The following TWSG1 variants were observed in gnomAD, a reference collection of about 807,000 sequenced individuals.
TWSG1 encodes the protein twisted gastrulation protein homolog 1.
In TWSG1, 15 loss-of-function variants were observed where a neutral mutation model predicts 23.0. The ratio of observed to expected loss-of-function variants is 0.65; its 90% CI spans 0.44 to 1.00. TWSG1 has a LOEUF of 1.00. TWSG1 is among the 50% of genes least tolerant of loss of function. The probability of loss-of-function intolerance (pLI) is 0.00; values close to 1 mark genes in which losing one functional copy is unlikely to be tolerated. For synonymous variants in TWSG1, 86 were observed against 92.8 expected (o/e 0.93, Z 0.42); for missense variants, 242 against 278.7 (o/e 0.87, Z 0.94).
At position 9,399,519 on chromosome 18, in the gene TWSG1, A is replaced by T; in HGVS notation, c.664A>T (p.Met222Leu). ...TAAAACTGTCAAATGTATGAACTGC[A>T]TGTTTTAAAGAAGACAAATGCAAAC... ...GSKTVKCMNC[M>L]F The change falls in exon 5 of 5, where the codon ATG becomes TTG. Residue 222 changes from methionine (M) to leucine (L), a missense_variant. Physicochemically the swap from Met to Leu is conservative, Grantham distance 15. Transcript: ENST00000262120. 1 of 1,602,302 alleles carries T rather than the reference A, an allele frequency of 6.2e-7. No individual in the cohort carries two copies. The highest frequency in any genetic ancestry group is 8.5e-7 in the Non-Finnish European group (1 of 1,176,572).
chr18:9,358,321 A>G (rs183449541), intron 2 of TWSG1, among the ~76,000 whole-genome samples: 35 of 152,312 alleles, frequency 2.3e-4, no homozygotes, highest in Admixed American at 8.5e-4. Flanking sequence ...CCCTAGTTCA[A>G]ATTCCTAACA....
chr18:9,341,601 G>GT (rs1307660334), intron 2 of TWSG1, among the ~76,000 whole-genome samples: 1 of 151,982 alleles, frequency 6.6e-6, no homozygotes, highest in Non-Finnish European at 1.5e-5. Flanking sequence ...AACAGATAAG[G>GT]TCATAGCTCA....
rs150722246 is a variant in TWSG1, at chr18:9,350,981, T to C, written c.124-8991T>C. ...TCATTTGACCTAAGTAAAAGTAGTG[T>C]CAGCATAGGTATAATATAATGCTTC... On this transcript the variant is annotated intron_variant, in intron 2 of 4. Coordinates refer to ENST00000262120, the MANE Select transcript of TWSG1 (RefSeq NM_020648.6). 3.3e-5 allele frequency among the ~76,000 whole-genome samples: 5 copies of C among 152,268 alleles called. No homozygotes were observed. In the East Asian group the frequency reaches 9.6e-4, roughly 29 times the overall value.
intron 3 of TWSG1, among the ~76,000 whole-genome samples, chr18:9,382,119 A>T (rs1005421103): frequency 6.6e-5 from 10 of 150,742 alleles, no homozygotes; most frequent in Non-Finnish European, 1.2e-4. Context: ...AAGCACTTAC[A>T]TGAACCATAC....
chr18:9,359,926 A>G (rs1369574842), intron 2 of TWSG1, 46 bp from the exon 3 acceptor site: 2 of 1,509,362 alleles, frequency 1.3e-6, no homozygotes, highest in African/African-American at 1.4e-5. Flanking sequence ...GCAGTTTTAT[A>G]TATGATTATT....
chr18:9,344,975 T>A (rs2040470223), intron 2 of TWSG1, among the ~76,000 whole-genome samples: 1 of 152,156 alleles, frequency 6.6e-6, no homozygotes, highest in South Asian at 2.1e-4. Flanking sequence ...CCCAGGCTGG[T>A]CTTGAACTCC....
At position 9,342,375 on chromosome 18, in the gene TWSG1, C is replaced by T. The variant is rs1050067926; in HGVS notation, c.123+5023C>T. Among the ~76,000 whole-genome samples the T allele has an allele frequency of 4.6e-5, 7 of 152,280 alleles. 1 individual carries two copies. Among genetic ancestry groups the T allele is most frequent in the African/African-American group, 1.7e-4 (7 of 41,556 alleles). On this transcript the variant is annotated intron_variant, in intron 2 of 4. Coordinates refer to ENST00000262120, the MANE Select transcript of TWSG1 (RefSeq NM_020648.6). ...CTATAGGTAATTACTAACCTTATTT[C>T]TCTGTTTTGTAACTCTATTTGAATC...
intron 3 of TWSG1, among the ~76,000 whole-genome samples, chr18:9,386,175 A>G (rs930529409): frequency 1.1e-4 from 16 of 145,970 alleles, no homozygotes; most frequent in African/African-American, 3.8e-4. Context: ...AAAAAAAAAA[A>G]GAAGCCGAGT....
At chr18:9,358,773 G>A (rs892021782) in intron 2 of TWSG1, among the ~76,000 whole-genome samples, 6 of 152,316 alleles carry the variant, frequency 3.9e-5, no homozygotes, top group African/African-American at 1.4e-4. Flanking sequence ...TACATGGAAG[G>A]ATGGTTTTGT....
At chr18:9,377,275 G>A (rs1488077664) in intron 3 of TWSG1, among the ~76,000 whole-genome samples, 1 of 151,718 alleles carries the variant, frequency 6.6e-6, no homozygotes, top group Non-Finnish European at 1.5e-5. Flanking sequence ...CTGGCGTGCA[G>A]TGGTGCGACC....
intron 3 of TWSG1, among the ~76,000 whole-genome samples, chr18:9,364,584 A>G (rs2040568696): frequency 6.6e-6 from 1 of 152,044 alleles, no homozygotes; most frequent in South Asian, 2.1e-4. Context: ...ACCTTAAGTC[A>G]GGAATTCAAG....
chr18:9,352,445 A>G (rs745942893), intron 2 of TWSG1, among the ~76,000 whole-genome samples: 60 of 152,194 alleles, frequency 3.9e-4, no homozygotes, highest in Admixed American at 1.2e-3. Context: ...GTAAATACCT[A>G]GGAATGGGAT....
At chr18:9,382,814 A>AAAAAAAAC (rs372801301) in intron 3 of TWSG1, among the ~76,000 whole-genome samples, 64 of 137,064 alleles carry the variant, frequency 4.7e-4, no homozygotes, top group South Asian at 3.5e-3. Context: ...CTCAAAAAAA[A>AAAAAAAAC]AAAAACAAAA....
intron 3 of TWSG1, among the ~76,000 whole-genome samples, chr18:9,388,588 C>T (rs9944562): frequency 0.47 from 72,206 of 152,050 alleles, 18,142 homozygotes; most frequent in East Asian, 0.71. Context: ...TCAGGGACAT[C>T]AGGTTTACTA....
chr18:9,350,694 A>T (rs2040498415), intron 2 of TWSG1, among the ~76,000 whole-genome samples: 1 of 152,244 alleles, frequency 6.6e-6, no homozygotes, highest in African/African-American at 2.4e-5. Context: ...AAAAATAAGT[A>T]CTCTTTTCAA....
At chr18:9,396,599 A>G (rs2298550) in intron 4 of TWSG1, 53 bp downstream of exon 4, 432,085 of 1,576,710 alleles carry the variant, frequency 0.27, 59,913 homozygotes, top group East Asian at 0.31. Context: ...TGGTCTGTCC[A>G]TGTAATCTAT....
chr18:9,390,247 G>A (rs34413792), intron 3 of TWSG1, among the ~76,000 whole-genome samples: 11,449 of 151,576 alleles, frequency 0.076, 533 homozygotes, highest in Admixed American at 0.097. Context: ...TGCAACCTCC[G>A]CCCCTCCAGG....
intron 3 of TWSG1, among the ~76,000 whole-genome samples, chr18:9,381,026 A>T (rs999126982): frequency 1.3e-5 from 2 of 152,204 alleles, no homozygotes; most frequent in South Asian, 4.1e-4. Context: ...TTTCAGAAAA[A>T]GACAATTATA....
intron 2 of TWSG1, among the ~76,000 whole-genome samples, chr18:9,344,722 C>A (rs57524426): frequency 0.67 from 100,372 of 150,618 alleles, 33,847 homozygotes; most frequent in Middle Eastern, 0.75. Flanking sequence ...GGGGAAATAC[C>A]TATTGAAAAC....
Sources: allele counts gnomAD v4.1 joint callset (sites outside exome capture counted in the v4.1 genomes callset), GRCh38; gene constraint gnomAD v4.1.1; transcripts MANE v1.5; gene names NCBI Gene and HGNC (gene_info 2026-07-23, HGNC 2026-07-21).